Variants in ZNF280C observed in about 807,000 individuals in gnomAD.
ZNF280C encodes the protein suppressor of hairy wing homolog 3.
Under a neutral mutation model 53.6 loss-of-function variants are expected in ZNF280C, and 14 were observed. The observed-to-expected ratio is 0.26, with a 90% confidence interval of 0.17 to 0.41. The LOEUF is 0.41. Ranked by LOEUF, ZNF280C falls within the 10% of genes least tolerant of loss-of-function variation. ZNF280C has a pLI of 1.00. For missense variants in ZNF280C, 416 were observed against 547.1 expected, an observed-to-expected ratio of 0.76 and a Z score of 2.39; for synonymous variants, 203 against 181.1, an observed-to-expected ratio of 1.12 and a Z score of -0.97.
chrX:130,264,397 C>T (rs1406308078), intron 1 of ZNF280C, among the ~76,000 whole-genome samples: 3 of 111,727 alleles, frequency 2.7e-5, no homozygotes, highest in Non-Finnish European at 1.9e-5. Flanking sequence ...AAACCAGGGT[C>T]AACAGACCTC....
Position 130,244,153 on chromosome X carries a change from G to A in ZNF280C, c.179-288C>T, listed in dbSNP as rs776911379. 2.5e-4 allele frequency among the ~76,000 whole-genome samples: 28 copies of A among 111,856 alleles called. 1 individual carries two copies. Among genetic ancestry groups the A allele is most frequent in the African/African-American group, 8.8e-4 (27 of 30,789 alleles). On this transcript the variant is annotated intron_variant, in intron 3 of 18. Transcript: ENST00000370978. Reference sequence around the variant, plus strand: ...TTGAGTTCTGAATAGGAAATTATCAGAGACTACAGACTAAATTAAACCTGG... The same window carrying A: ...TTGAGTTCTGAATAGGAAATTATCAAAGACTACAGACTAAATTAAACCTGG...
At chrX:130,217,023 C>CA (rs1307296344) in intron 13 of ZNF280C, among the ~76,000 whole-genome samples, 1 of 110,642 alleles carries the variant, frequency 9.0e-6, no homozygotes, top group Non-Finnish European at 1.9e-5. Context: ...AACAAAAGAA[C>CA]AAAAAAAGAA....
intron 2 of ZNF280C, among the ~76,000 whole-genome samples, chrX:130,248,237 G>C (rs928309397): frequency 9.6e-6 from 1 of 104,450 alleles, no homozygotes; most frequent in Admixed American, 1.1e-4. Flanking sequence ...ACAGAAGCTA[G>C]AATGAAGCGG....
chrX:130,215,048 A>G (rs892806265), intron 15 of ZNF280C, 145 bp downstream of exon 15: 1 of 494,146 alleles, frequency 2.0e-6, no homozygotes. Context: ...GGAAAATAGT[A>G]CAAGGAACAT....
At chrX:130,244,794 A>G (rs867207560) in intron 3 of ZNF280C, among the ~76,000 whole-genome samples, 2,217 of 92,698 alleles carry the variant, frequency 0.024, 76 homozygotes, top group African/African-American at 0.092. Context: ...AAAAAAAAAA[A>G]AAAAAAGAGA....
chrX:130,225,988 A>G (rs938214464), intron 12 of ZNF280C, among the ~76,000 whole-genome samples: 3 of 112,265 alleles, frequency 2.7e-5, no homozygotes, highest in Non-Finnish European at 5.6e-5. Flanking sequence ...GAATAGGCCC[A>G]CTGTTTCATC....
intron 13 of ZNF280C, among the ~76,000 whole-genome samples, chrX:130,219,215 G>T (rs1378745132): frequency 4.5e-5 from 5 of 111,366 alleles, no homozygotes; most frequent in African/African-American, 1.6e-4. Context: ...GGCCAGGCGT[G>T]GTGGCTCATG....
chrX:130,243,702 G>A lies in ZNF280C; in HGVS notation c.245-3C>T. The A allele has an allele frequency of 8.3e-7, 1 of 1,200,258 alleles. No homozygotes were observed. ...AGTCCTGAATATTTCAGGAATACCT[G>A]TATTTTAAAATTATACAACATATTG... On this transcript the variant is annotated splice_polypyrimidine_tract_variant and splice_region_variant and intron_variant, in intron 4 of 18. Coordinates refer to ENST00000370978, the MANE Select transcript of ZNF280C (RefSeq NM_017666.5).
chrX:130,247,074 TATG>T, intron 2 of ZNF280C, 69 bp from the exon 3 acceptor site: 1 of 991,865 alleles, frequency 1.0e-6, no homozygotes, highest in Non-Finnish European at 1.4e-6. Flanking sequence ...CAATACATAG[TATG>T]ATATTTAAGA....
At chrX:130,216,737 G>A (rs1267757934) in intron 13 of ZNF280C, among the ~76,000 whole-genome samples, 2 of 111,952 alleles carry the variant, frequency 1.8e-5, no homozygotes, top group Admixed American at 9.4e-5. Context: ...GGTGGCTTAG[G>A]CCTGTACTCC....
At position 130,203,233 on chromosome X, in the gene ZNF280C, C is replaced by T. The variant is rs1009848797; in HGVS notation, c.*1744G>A. On this transcript the variant is annotated 3_prime_UTR_variant, in exon 19 of 19. Transcript: ENST00000370978. ...ACAAAGAGAAGAGTTCAAAAGTAGA[C>T]ATAAAATGGACATCAGCAAATTTCA... The T allele has an allele frequency of 2.7e-5, 3 of 110,989 alleles. No homozygotes were observed. Among genetic ancestry groups the T allele is most frequent in the African/African-American group, 9.8e-5 (3 of 30,516 alleles). The allele number at this position is 110,989 out of a possible 1,213,427, so 9.1% of individuals were successfully genotyped here.
intron 5 of ZNF280C, among the ~76,000 whole-genome samples, chrX:130,240,168 T>C (rs1218084789): frequency 1.8e-5 from 2 of 111,464 alleles, no homozygotes; most frequent in African/African-American, 3.2e-5. Context: ...AATGACTAAA[T>C]AAATTAAATG....
chrX:130,222,129 C>G (rs2032170784), intron 12 of ZNF280C, among the ~76,000 whole-genome samples: 1 of 110,811 alleles, frequency 9.0e-6, no homozygotes, highest in Non-Finnish European at 1.9e-5. Context: ...ATGACTTACT[C>G]TCTTATTCCC....
intron 2 of ZNF280C, among the ~76,000 whole-genome samples, chrX:130,260,214 G>A (rs2124717244): frequency 9.0e-6 from 1 of 111,001 alleles, no homozygotes; most frequent in East Asian, 2.8e-4. Flanking sequence ...CCCAGGAGGT[G>A]GAGCTTGCAG....
intron 14 of ZNF280C, 106 bp from the exon 15 acceptor site, chrX:130,215,439 A>G: frequency 1.3e-6 from 1 of 782,777 alleles, no homozygotes; most frequent in Non-Finnish European, 1.8e-6. Flanking sequence ...TTAAATTGGT[A>G]TCTTTAAGTA....
intron 2 of ZNF280C, among the ~76,000 whole-genome samples, chrX:130,254,133 A>G (rs749588042): frequency 1.8e-5 from 2 of 112,567 alleles, no homozygotes; most frequent in Non-Finnish European, 3.8e-5. Flanking sequence ...GAAGACATAC[A>G]TGCAGGCAAC....
chrX:130,256,429 C>T (rs1381686864), intron 2 of ZNF280C, among the ~76,000 whole-genome samples: 1 of 111,714 alleles, frequency 9.0e-6, no homozygotes. Flanking sequence ...ATTAAGAGGC[C>T]ATGGGGCCGG....
chrX:130,209,689 C>G lies in ZNF280C; in HGVS notation c.2006G>C (p.Arg669Pro). The change falls in exon 16 of 19, where the codon CGG becomes CCG. Residue 669 changes from arginine (R) to proline (P), a missense_variant. Around this residue, in one of 3 missense-constraint regions of ZNF280C, gnomAD observed 151 missense variants for 176.9 expected, o/e 0.85. Coordinates refer to ENST00000370978, the MANE Select transcript of ZNF280C (RefSeq NM_017666.5). Reference protein sequence around the residue: ...MSSHSNHPGKRFCIFKKHSGT... With the variant: ...MSSHSNHPGKPFCIFKKHSGT... ...TGAATGCTTCTTGAAAATACAAAAC[C>G]GTTTACCTGGATGGTTGCTATGAGA... 8.3e-7 allele frequency: 1 copy of G among 1,207,019 alleles called. No homozygotes were observed. Among genetic ancestry groups the G allele is most frequent in the Non-Finnish European group, 1.1e-6 (1 of 893,246 alleles).
At chrX:130,247,194 C>T (rs1282065946) in intron 2 of ZNF280C, among the ~76,000 whole-genome samples, 189 bp from the exon 3 acceptor site, 3 of 111,976 alleles carry the variant, frequency 2.7e-5, no homozygotes, top group East Asian at 2.8e-4. Flanking sequence ...CTGCAACCTC[C>T]GCCTCCTGGG....
Sources: allele counts gnomAD v4.1 joint callset (sites outside exome capture counted in the v4.1 genomes callset), GRCh38; gene constraint gnomAD v4.1.1; regional missense constraint gnomAD v4.1.1; transcripts MANE v1.5; gene names NCBI Gene and HGNC (gene_info 2026-07-23, HGNC 2026-07-21).